LRRC4C: variants seen among roughly 807,000 people sequenced by gnomAD.
The protein encoded by LRRC4C is leucine rich repeat containing 4C.
In LRRC4C, 5 loss-of-function variants were observed where a neutral mutation model predicts 33.6. The observed-to-expected ratio is 0.15, with a 90% CI of 0.08 to 0.31. The LOEUF is 0.31. LRRC4C is among the 10% of genes least tolerant of loss of function. LRRC4C has a pLI of 1.00. For synonymous variants in LRRC4C, 329 were observed against 302.0 expected, an observed-to-expected ratio of 1.09 and a Z score of -0.93; for missense variants, 560 against 796.7, an observed-to-expected ratio of 0.70 and a Z score of 3.58.
intron 1 of LRRC4C, among the ~76,000 whole-genome samples, chr11:41,325,577 TTGTG>T (rs71466928): frequency 0.023 from 2,422 of 104,084 alleles, 53 homozygotes; most frequent in East Asian, 0.068. Context: ...TTTTTTTTTT[TTGTG>T]TGTGTGTGTG....
chr11:40,228,989 C>T (rs749023227), intron 5 of LRRC4C, among the ~76,000 whole-genome samples: 4 of 152,056 alleles, frequency 2.6e-5, no homozygotes, highest in East Asian at 1.9e-4. Context: ...ATGCACAGAC[C>T]GAACAAGATG....
intron 2 of LRRC4C, among the ~76,000 whole-genome samples, chr11:40,714,170 C>A (rs1946600005): frequency 6.6e-6 from 1 of 152,178 alleles, no homozygotes. Flanking sequence ...TACAGTCAAG[C>A]ATCAAGATGA....
intron 1 of LRRC4C, among the ~76,000 whole-genome samples, chr11:41,230,034 T>C (rs1460421583): frequency 6.6e-6 from 1 of 152,140 alleles, no homozygotes; most frequent in Admixed American, 6.6e-5. Context: ...ATTTTTCTTG[T>C]CCTCATCATA....
intron 1 of LRRC4C, among the ~76,000 whole-genome samples, chr11:41,419,994 G>A (rs537882422): frequency 4.0e-5 from 6 of 151,722 alleles, no homozygotes; most frequent in Non-Finnish European, 7.4e-5. Context: ...AAAAGATGTG[G>A]GAGGTCAGTA....
At chr11:41,000,023 A>G (rs1385218697) in intron 1 of LRRC4C, among the ~76,000 whole-genome samples, 1 of 152,166 alleles carries the variant, frequency 6.6e-6, no homozygotes, top group Non-Finnish European at 1.5e-5. Flanking sequence ...GAAAACATTA[A>G]GCTATGGAAC....
chr11:40,190,601 G>T (rs10734479), intron 5 of LRRC4C, among the ~76,000 whole-genome samples: 83,816 of 152,022 alleles, frequency 0.55, 24,070 homozygotes, highest in African/African-American at 0.73. Context: ...AAAAGTCACC[G>T]TCTTGCTTAG....
chr11:40,685,442 T>G (rs1944905790), intron 2 of LRRC4C, among the ~76,000 whole-genome samples: 1 of 152,000 alleles, frequency 6.6e-6, no homozygotes, highest in Admixed American at 6.6e-5. Context: ...AATCAGAAAT[T>G]ATAAACAAGA....
At chr11:41,302,297 C>T (rs1591201642) in intron 1 of LRRC4C, among the ~76,000 whole-genome samples, 1 of 152,016 alleles carries the variant, frequency 6.6e-6, no homozygotes, top group East Asian at 1.9e-4. Flanking sequence ...TTAATATATC[C>T]AAGGGATACA....
At chr11:40,982,871 T>C (rs972250200) in intron 1 of LRRC4C, among the ~76,000 whole-genome samples, 5 of 152,150 alleles carry the variant, frequency 3.3e-5, no homozygotes, top group African/African-American at 1.2e-4. Flanking sequence ...CCCCTCTATA[T>C]GTCTATGTGT....
intron 3 of LRRC4C, among the ~76,000 whole-genome samples, chr11:40,389,569 C>A (rs891694237): frequency 6.6e-6 from 1 of 151,992 alleles, no homozygotes; most frequent in African/African-American, 2.4e-5. Flanking sequence ...CAAGCTTTCA[C>A]CTTGTAAAAG....
chr11:40,432,409 T>C (rs991308161), intron 3 of LRRC4C, among the ~76,000 whole-genome samples: 3 of 152,226 alleles, frequency 2.0e-5, no homozygotes, highest in African/African-American at 7.2e-5. Flanking sequence ...ATAAAACTTA[T>C]TTCTTGAAAA....
In LRRC4C at chr11:40,654,176, C is replaced by A. The variant is rs374368188; in HGVS notation, c.-406-5898G>T. On this transcript the variant is annotated intron_variant, in intron 2 of 6. Transcript: ENST00000528697. Reference sequence around the variant, plus strand: ...GTGGATGGGAAATGTGGGATTGGAACTCCCACACAGAGTCCCCGCTGGTGT... The same window carrying A: ...GTGGATGGGAAATGTGGGATTGGAAATCCCACACAGAGTCCCCGCTGGTGT... 6.6e-5 allele frequency among the ~76,000 whole-genome samples: 10 copies of A among 152,330 alleles called. No individual in the cohort carries two copies. In the East Asian group the frequency reaches 1.7e-3, roughly 26 times the overall value.
intron 1 of LRRC4C, among the ~76,000 whole-genome samples, chr11:41,026,314 A>T (rs1048376376): frequency 1.3e-5 from 2 of 151,682 alleles, no homozygotes; most frequent in African/African-American, 4.8e-5. Context: ...TGAGGAGTTT[A>T]AGAGCTCAGT....
chr11:40,528,326 A>T (rs1407594088), intron 3 of LRRC4C, among the ~76,000 whole-genome samples: 1 of 152,102 alleles, frequency 6.6e-6, no homozygotes, highest in Non-Finnish European at 1.5e-5. Context: ...CTATAACTCG[A>T]TAGCAAAACA....
rs146491827 is a variant in LRRC4C, at chr11:40,427,890, G to A, written c.-269-108169C>T. On this transcript the variant is annotated intron_variant, in intron 3 of 6. Transcript: ENST00000528697. ...ACAAAACAAAAACCCACAAAAGCCC[G>A]AAAAATTCTCAGGGAGAATGACTTG... 9.2e-5 allele frequency among the ~76,000 whole-genome samples: 14 copies of A among 152,046 alleles called. No homozygotes were observed. The East Asian group carries it at 2.7e-3, about 29-fold the overall frequency.
At chr11:41,418,734 A>G (rs187000804) in intron 1 of LRRC4C, among the ~76,000 whole-genome samples, 1 of 152,012 alleles carries the variant, frequency 6.6e-6, no homozygotes, top group Non-Finnish European at 1.5e-5. Flanking sequence ...GGTCCAGCTA[A>G]ATTACTTTCT....
At chr11:40,153,482 A>T (rs1044412369) in intron 5 of LRRC4C, among the ~76,000 whole-genome samples, 1 of 152,202 alleles carries the variant, frequency 6.6e-6, no homozygotes. Flanking sequence ...GTTAGTTATT[A>T]AGCTAATCAG....
chr11:40,116,876 A>G (rs75980351), intron 6 of LRRC4C, among the ~76,000 whole-genome samples: 3,515 of 152,338 alleles, frequency 0.023, 131 homozygotes, highest in African/African-American at 0.076. Context: ...AGGAAGCCTT[A>G]TAAAAAAAGT....
At chr11:41,091,255 CAT>C (rs1333761811) in intron 1 of LRRC4C, among the ~76,000 whole-genome samples, 3 of 151,798 alleles carry the variant, frequency 2.0e-5, no homozygotes, top group Non-Finnish European at 2.9e-5. Context: ...TTTCATTAAA[CAT>C]ATATAATGAT....
Sources: gnomAD v4.1 joint callset for allele counts (sites outside exome capture counted in the v4.1 genomes callset) on GRCh38, gnomAD v4.1.1 for gene constraint, MANE v1.5 for transcripts, NCBI Gene and HGNC (gene_info 2026-07-23, HGNC 2026-07-21) for gene names.